Variants in RPS6KA2 observed in about 807,000 individuals in gnomAD.
RPS6KA2 encodes ribosomal protein S6 kinase alpha-2.
In RPS6KA2, 42 loss-of-function variants were observed where a neutral mutation model predicts 91.8. The ratio of observed to expected loss-of-function variants is 0.46; its 90% CI spans 0.36 to 0.59. The LOEUF (loss-of-function observed/expected upper bound fraction) is 0.59, where lower values mean the gene tolerates loss of function less well. Among genes scored for constraint, RPS6KA2 ranks in the 20% least tolerant of loss-of-function variants. The probability of loss-of-function intolerance (pLI) is 0.00; values close to 1 mark genes in which losing one functional copy is unlikely to be tolerated. For missense variants in RPS6KA2, 798 were observed against 978.5 expected (o/e 0.82, Z 2.46); for synonymous variants, 414 against 393.6 (o/e 1.05, Z -0.61).
At chr6:166,525,602 G>A (rs1406200778) in intron 3 of RPS6KA2, among the ~76,000 whole-genome samples, 1 of 152,220 alleles carries the variant, frequency 6.6e-6, no homozygotes, top group Non-Finnish European at 1.5e-5. Context: ...TCCAGGCACA[G>A]GACAATCAGC....
rs1405482355 is a variant in RPS6KA2, at chr6:166,825,390, G to A, written c.123+32810C>T. Among the ~76,000 whole-genome samples the A allele has an allele frequency of 2.0e-5, 3 of 152,190 alleles. No homozygotes were observed. The highest frequency in any genetic ancestry group is 3.9e-4 in the East Asian group (2 of 5,186). On this transcript the variant is annotated intron_variant, in intron 2 of 21. Transcript: ENST00000503859. This position sits in a 1 kb window ranked among gnomAD's most constrained non-coding sequence, Gnocchi z 4.1. ...AACGCCTGGAGTTGAGGAAGAACTC[G>A]GGCTTAGGGGAAGAAATGGAGTTTA... is the stretch of plus-strand genomic sequence containing the variant.
rs1280898312 is a variant in RPS6KA2 at position 166,508,454 on chromosome 6, G to A, written c.380-172C>T. Among the ~76,000 whole-genome samples the A allele has an allele frequency of 2.9e-5, 4 of 138,734 alleles. No homozygotes were observed. Among genetic ancestry groups the A allele is most frequent in the African/African-American group, 1.1e-4 (4 of 37,380 alleles). 91.0% of individuals were successfully genotyped at this position (138,734 alleles called of 152,430 possible). On this transcript the variant is annotated intron_variant, in intron 4 of 20. Coordinates refer to ENST00000265678, the MANE Select transcript of RPS6KA2 (RefSeq NM_021135.6). This position sits in a 1 kb window ranked among gnomAD's most constrained non-coding sequence, Gnocchi z 4.3. ...CAGAGGGGCAGCACCCGGCAGAGGG[G>A]GTCTGACACTGTGAGCGCTGCCCCT...
At chr6:166,676,370 T>C (rs1354546943) in intron 2 of RPS6KA2, among the ~76,000 whole-genome samples, 1 of 150,708 alleles carries the variant, frequency 6.6e-6, no homozygotes, top group African/African-American at 2.4e-5. Context: ...AACTGCCTTA[T>C]CCACTTCTCT....
At chr6:166,520,287 G>C (rs1050944520) in intron 3 of RPS6KA2, among the ~76,000 whole-genome samples, 1 of 151,202 alleles carries the variant, frequency 6.6e-6, no homozygotes, top group Non-Finnish European at 1.5e-5. Context: ...CCTGGTTCTC[G>C]GGACTTCGAA....
chr6:166,778,291 G>A (rs547999106), intron 2 of RPS6KA2, among the ~76,000 whole-genome samples: 1 of 152,328 alleles, frequency 6.6e-6, no homozygotes, highest in South Asian at 2.1e-4. Flanking sequence ...ACTGGCGCCG[G>A]CCAACTGACT....
intron 2 of RPS6KA2, among the ~76,000 whole-genome samples, chr6:166,790,238 C>G (rs979439623): frequency 6.6e-6 from 1 of 152,034 alleles, no homozygotes; most frequent in Non-Finnish European, 1.5e-5. Flanking sequence ...GGAGCCGATG[C>G]GATCAACTGG....
intron 1 of RPS6KA2, among the ~76,000 whole-genome samples, chr6:166,861,068 T>C (rs979011577): frequency 6.6e-6 from 1 of 152,232 alleles, no homozygotes; most frequent in African/African-American, 2.4e-5. Flanking sequence ...AATACATATG[T>C]CGAGCATTAT....
intron 2 of RPS6KA2, among the ~76,000 whole-genome samples, chr6:166,781,158 A>G (rs1043822406): frequency 2.0e-5 from 3 of 152,246 alleles, no homozygotes; most frequent in Non-Finnish European, 4.4e-5. Flanking sequence ...TATGAAGGTC[A>G]TAGCTTTAGA....
In RPS6KA2 at chr6:166,413,919, T is replaced by C; in HGVS notation, c.1951A>G (p.Lys651Glu). 3 of 1,613,976 alleles carry C rather than the reference T, an allele frequency of 1.9e-6. No individual in the cohort carries two copies. The highest frequency in any genetic ancestry group is 2.5e-6 in the Non-Finnish European group (3 of 1,179,984). ...TGATGAGGGTCCACGTGGAGCATCT[T>C]GGACACGACGTCCTGCCAGGGAAGG... ...ISDAAKDVVS[K>E]MLHVDPHQRL... is the part of the protein sequence containing the mutation. The change falls in exon 20 of 21, where the codon AAG becomes GAG. Residue 651 changes from lysine to glutamate, a missense_variant. Physicochemically the swap from Lys to Glu is moderately conservative, Grantham distance 56 (BLOSUM62 1). Coordinates refer to ENST00000265678, the MANE Select transcript of RPS6KA2 (RefSeq NM_021135.6).
chr6:166,500,478 G>A lies in RPS6KA2; in HGVS notation c.604+409C>T, dbSNP rs570729692. Among the ~76,000 whole-genome samples the A allele has an allele frequency of 2.0e-5, 3 of 152,254 alleles. No homozygotes were observed. Among genetic ancestry groups the A allele is most frequent in the South Asian group, 2.1e-4 (1 of 4,818 alleles). On this transcript the variant is annotated intron_variant, in intron 7 of 20. Transcript: ENST00000265678. The surrounding 1 kb of genome is among the most constrained non-coding windows in gnomAD (Gnocchi z 4.3). ...ATCAGTGAGGGCAGCAGTGCAGGCC[G>A]CACTCCAGCGAGACTCCAGATGTCT...
intron 14 of RPS6KA2, among the ~76,000 whole-genome samples, chr6:166,442,721 GATGTA>G (rs1328504915): frequency 6.6e-6 from 1 of 152,148 alleles, no homozygotes; most frequent in African/African-American, 2.4e-5. Context: ...GCACTCGAAT[GATGTA>G]ATGTAGTTTT....
At position 166,735,130 on chromosome 6, in the gene RPS6KA2, C is replaced by G. The variant is rs59409691; in HGVS notation, c.123+123070G>C. 3.8e-3 allele frequency among the ~76,000 whole-genome samples: 578 copies of G among 152,344 alleles called. 3 individuals are homozygous for G. The highest frequency in any genetic ancestry group is 0.012 in the African/African-American group (513 of 41,578). ...CCTAAGCGTGTCCATGCTGGAGAAG[C>G]TTTGGCAGGATAAGAAGAGCTGGAA... On this transcript the variant is annotated intron_variant, in intron 2 of 21. Coordinates refer to the RPS6KA2 transcript ENST00000503859.
At chr6:166,455,581 C>G (rs1780075787) in intron 12 of RPS6KA2, among the ~76,000 whole-genome samples, 1 of 152,218 alleles carries the variant, frequency 6.6e-6, no homozygotes, top group African/African-American at 2.4e-5. Flanking sequence ...TTCCAACGCT[C>G]CAGACTAGCG....
Position 166,603,546 on chromosome 6 carries a change from G to A in RPS6KA2, c.99+23375C>T, listed in dbSNP as rs545928366. 2.2e-3 allele frequency among the ~76,000 whole-genome samples: 340 copies of A among 152,254 alleles called. 2 individuals carry two copies. The highest frequency in any genetic ancestry group is 4.3e-3 in the Non-Finnish European group (293 of 68,012). Reference sequence around the variant, plus strand: ...CCAGTCACCTTCTGGAGTCGAGGGCGCCCAGGTAAAGGGCTTTGGCATGGA... The same window carrying A: ...CCAGTCACCTTCTGGAGTCGAGGGCACCCAGGTAAAGGGCTTTGGCATGGA... On this transcript the variant is annotated intron_variant, in intron 1 of 20. Transcript: ENST00000265678. The surrounding 1 kb of genome is among the most constrained non-coding windows in gnomAD (Gnocchi z 4.3).
chr6:166,446,997 C>T (rs1349316834), intron 14 of RPS6KA2, among the ~76,000 whole-genome samples: 1 of 152,166 alleles, frequency 6.6e-6, no homozygotes, highest in Non-Finnish European at 1.5e-5. Context: ...CTGCTCTTCA[C>T]CACTGGAACA....
chr6:166,769,658 C>T (rs958001093), intron 2 of RPS6KA2, among the ~76,000 whole-genome samples: 5 of 152,152 alleles, frequency 3.3e-5, no homozygotes, highest in African/African-American at 1.2e-4. Flanking sequence ...GATAGTAGTA[C>T]CACAAGTATG....
In RPS6KA2 at chr6:166,686,603, C is replaced by T. The variant is rs949406596; in HGVS notation, c.124-147819G>A. Among the ~76,000 whole-genome samples, 11 of 152,194 alleles carry T rather than the reference C, an allele frequency of 7.2e-5. No homozygotes were observed. The East Asian group carries it at 9.6e-4, about 13-fold the overall frequency. The stretch of plus-strand genomic sequence containing the variant: ...CTTAGCTTTCCTTCTCTCTCTGCCC[C>T]GAATTCTCCACCCCTCACTGGCTCA... On this transcript the variant is annotated intron_variant, in intron 2 of 21. Transcript: ENST00000503859.
At chr6:166,647,491 C>A (rs1235240154) in intron 2 of RPS6KA2, among the ~76,000 whole-genome samples, 1 of 152,192 alleles carries the variant, frequency 6.6e-6, no homozygotes, top group African/African-American at 2.4e-5. Flanking sequence ...AAGCCCTTCC[C>A]TACTCTACAC....
chr6:166,778,725 C>T (rs1483342627), intron 2 of RPS6KA2, among the ~76,000 whole-genome samples: 1 of 152,200 alleles, frequency 6.6e-6, no homozygotes, highest in Non-Finnish European at 1.5e-5. Context: ...AAGATCATGC[C>T]ATTGCACTCC....
Sources: gnomAD v4.1 joint callset for allele counts (sites outside exome capture counted in the v4.1 genomes callset) on GRCh38, gnomAD v4.1.1 for gene constraint, Gnocchi (gnomAD v3.1) non-coding constraint, MANE v1.5 for transcripts, NCBI Gene and HGNC (gene_info 2026-07-23, HGNC 2026-07-21) for gene names.